The following FOXO3 variants were observed in gnomAD, a reference collection of about 807,000 sequenced individuals.
FOXO3 encodes forkhead box O3.
A neutral mutation model predicts 41.9 loss-of-function variants in FOXO3; 4 were observed. The observed-to-expected ratio is 0.10, with a 90% confidence interval of 0.05 to 0.22. The LOEUF (loss-of-function observed/expected upper bound fraction) is 0.22, where lower values mean the gene tolerates loss of function less well. Ranked by LOEUF, FOXO3 falls within the 10% of genes least tolerant of loss-of-function variation. FOXO3 has a pLI of 1.00. For missense variants in FOXO3, 534 were observed against 906.8 expected (o/e 0.59, Z 5.28); for synonymous variants, 318 against 389.3 (o/e 0.82, Z 2.16).
intron 2 of FOXO3, among the ~76,000 whole-genome samples, chr6:108,678,925 G>A (rs1403127773): frequency 1.5e-5 from 2 of 136,694 alleles, no homozygotes; most frequent in Non-Finnish European, 3.1e-5. Flanking sequence ...AGGCTGGAGT[G>A]CAGTGGTGCG....
chr6:108,581,334 C>T (rs892182149), intron 1 of FOXO3, among the ~76,000 whole-genome samples: 4 of 152,014 alleles, frequency 2.6e-5, no homozygotes, highest in African/African-American at 9.7e-5. Flanking sequence ...GGTTGAGGAG[C>T]ATGGAAGGCA....
At chr6:108,678,027 G>A (rs187713875) in intron 2 of FOXO3, among the ~76,000 whole-genome samples, 2 of 152,276 alleles carry the variant, frequency 1.3e-5, no homozygotes, top group Admixed American at 1.3e-4. Context: ...CCTACCTCCA[G>A]TAAAACAACC....
intron 1 of FOXO3, among the ~76,000 whole-genome samples, chr6:108,650,663 A>G (rs545226603): frequency 1.3e-5 from 2 of 152,284 alleles, no homozygotes; most frequent in African/African-American, 4.8e-5. Flanking sequence ...TGCTTCATTC[A>G]TCATAGTTTA....
chr6:108,568,521 G>A (rs531062162), intron 1 of FOXO3, among the ~76,000 whole-genome samples: 4 of 152,292 alleles, frequency 2.6e-5, no homozygotes, highest in Non-Finnish European at 5.9e-5. Flanking sequence ...TGCTAAGACT[G>A]TTGAATATTT....
At chr6:108,622,117 G>A (rs1327086002) in intron 1 of FOXO3, among the ~76,000 whole-genome samples, 2 of 152,066 alleles carry the variant, frequency 1.3e-5, no homozygotes, top group Non-Finnish European at 2.9e-5. Context: ...AAATTAGCTG[G>A]GTGTGGTGGC....
intron 1 of FOXO3, among the ~76,000 whole-genome samples, chr6:108,639,863 CTG>C (rs1231726631): frequency 9.9e-5 from 15 of 152,160 alleles, no homozygotes; most frequent in Non-Finnish European, 1.2e-4. Flanking sequence ...ACACAATACT[CTG>C]TGAATCAAAC....
chr6:108,628,342 T>C (rs1777870538), intron 1 of FOXO3, among the ~76,000 whole-genome samples: 1 of 152,206 alleles, frequency 6.6e-6, no homozygotes, highest in South Asian at 2.1e-4. Context: ...ATTACCTCCA[T>C]GTACTCTTCT....
chr6:108,668,272 G>A (rs1779114865), intron 2 of FOXO3, among the ~76,000 whole-genome samples: 1 of 152,234 alleles, frequency 6.6e-6, no homozygotes, highest in Admixed American at 6.5e-5. Flanking sequence ...ATGCTTCTCT[G>A]GCGGGCTGGG....
intron 1 of FOXO3, among the ~76,000 whole-genome samples, chr6:108,590,861 CAT>C (rs1176271150): frequency 2.6e-5 from 4 of 152,290 alleles, no homozygotes; most frequent in African/African-American, 9.6e-5. Flanking sequence ...TTTTGAGCCT[CAT>C]ATGACAGCTT....
chr6:108,655,108 T>A (rs986157560), intron 1 of FOXO3, among the ~76,000 whole-genome samples: 2 of 152,164 alleles, frequency 1.3e-5, no homozygotes, highest in Non-Finnish European at 2.9e-5. Flanking sequence ...GCTATATCAA[T>A]TCCTAGTTTT....
chr6:108,650,144 C>G (rs1778508079), intron 1 of FOXO3, among the ~76,000 whole-genome samples: 1 of 152,164 alleles, frequency 6.6e-6, no homozygotes, highest in African/African-American at 2.4e-5. Flanking sequence ...CCAACTCAGA[C>G]TTAACCAAGG....
intron 1 of FOXO3, chr6:108,618,284 A>T: frequency 1.4e-6 from 1 of 729,410 alleles, no homozygotes; most frequent in Admixed American, 1.8e-5. Flanking sequence ...TTTGTCAGCC[A>T]TGATGAGCAC....
At chr6:108,666,105 G>A (rs1158072296) in intron 2 of FOXO3, among the ~76,000 whole-genome samples, 1 of 152,104 alleles carries the variant, frequency 6.6e-6, no homozygotes, top group Non-Finnish European at 1.5e-5. Flanking sequence ...CTATGGTTGT[G>A]TCTTAGGTCT....
At chr6:108,591,099 TGGG>T (rs1776721947) in intron 1 of FOXO3, among the ~76,000 whole-genome samples, 1 of 152,188 alleles carries the variant, frequency 6.6e-6, no homozygotes, top group Non-Finnish European at 1.5e-5. Flanking sequence ...AGTAAGGAGA[TGGG>T]GGCTCAGGAG....
intron 1 of FOXO3, among the ~76,000 whole-genome samples, chr6:108,562,546 GGCTGCACCC>G: frequency 6.6e-6 from 1 of 152,122 alleles, no homozygotes; most frequent in Non-Finnish European, 1.5e-5. Flanking sequence ...AATCCAGACT[GGCTGCACCC>G]GCTGCTCCCG....
chr6:108,613,438 T>G (rs1476806141), intron 1 of FOXO3, among the ~76,000 whole-genome samples: 4 of 152,212 alleles, frequency 2.6e-5, no homozygotes, highest in African/African-American at 9.6e-5. Flanking sequence ...CTTGTCTGTT[T>G]CTTCTTGAAT....
At chr6:108,573,953 AC>A (rs201049301) in intron 1 of FOXO3, among the ~76,000 whole-genome samples, 2,430 of 152,042 alleles carry the variant, frequency 0.016, 66 homozygotes, top group African/African-American at 0.056. Flanking sequence ...GGAGTTCAAG[AC>A]CAGCCTGACC....
Position 108,561,262 on chromosome 6 carries a change from G to A in FOXO3, c.54G>A (p.Leu18=). The stretch of plus-strand genomic sequence containing the variant: ...CGCTCTCTCCGCTCGAAGTGGAGCT[G>A]GACCCGGAGTTCGAGCCCCAGAGCC... ...PAPLSPLEVE[L]DPEFEPQSRP... Residue 18 remains leucine (L), a synonymous_variant, in exon 1 of 3, where the codon CTG becomes CTA. Transcript: ENST00000406360. 1.3e-6 allele frequency: 2 copies of A among 1,565,690 alleles called. No individual in the cohort carries two copies. The highest frequency in any genetic ancestry group is 1.7e-6 in the Non-Finnish European group (2 of 1,158,134).
intron 1 of FOXO3, among the ~76,000 whole-genome samples, chr6:108,617,325 A>G (rs1188442015): frequency 6.6e-6 from 1 of 151,592 alleles, no homozygotes; most frequent in East Asian, 1.9e-4. Context: ...TATGGGTCAT[A>G]TTTTCCTGTT....
Sources: gnomAD v4.1 joint callset for allele counts (sites outside exome capture counted in the v4.1 genomes callset) on GRCh38, gnomAD v4.1.1 for gene constraint, MANE v1.5 for transcripts, NCBI Gene and HGNC (gene_info 2026-07-23, HGNC 2026-07-21) for gene names.